NEXMIF: variants seen among roughly 807,000 people sequenced by gnomAD.
The protein encoded by NEXMIF is neurite extension and migration factor.
A neutral mutation model predicts 62.1 loss-of-function variants in NEXMIF; 8 were observed. That is an observed-to-expected ratio of 0.13 (90% CI 0.08 to 0.23). The LOEUF is 0.23. Ranked by LOEUF, NEXMIF falls within the 10% of genes least tolerant of loss-of-function variation. The pLI, the probability that NEXMIF is intolerant of heterozygous loss-of-function variation, is 1.00. For missense variants in NEXMIF, 976 were observed against 1,113.3 expected (o/e 0.88, Z 1.75); for synonymous variants, 404 against 416.6 (o/e 0.97, Z 0.37).
intron 1 of NEXMIF, among the ~76,000 whole-genome samples, chrX:74,904,966 A>AGCCCT (rs1420573512): frequency 1.8e-5 from 2 of 111,423 alleles, no homozygotes; most frequent in Non-Finnish European, 3.8e-5. Flanking sequence ...AACCTTTGCA[A>AGCCCT]ATCAAGTCTA....
At chrX:74,910,315 G>C (rs1338282970) in intron 1 of NEXMIF, among the ~76,000 whole-genome samples, 1 of 112,480 alleles carries the variant, frequency 8.9e-6, no homozygotes, top group East Asian at 2.8e-4. Flanking sequence ...ATGAGATATG[G>C]AGTCAAAGGA....
intron 1 of NEXMIF, among the ~76,000 whole-genome samples, chrX:74,906,520 C>T (rs556883764): frequency 1.3e-4 from 14 of 110,369 alleles, no homozygotes; most frequent in South Asian, 7.9e-4. Context: ...TTATTTTCTC[C>T]GGACAGAAAT....
chrX:74,815,108 GTAAT>G (rs1209917869), intron 1 of NEXMIF, among the ~76,000 whole-genome samples: 1 of 112,427 alleles, frequency 8.9e-6, no homozygotes, highest in Non-Finnish European at 1.9e-5. Context: ...ACATAGGTAT[GTAAT>G]TAAAGTAGTG....
chrX:74,799,080 G>GTCTTGAA (rs2080321322), intron 1 of NEXMIF, among the ~76,000 whole-genome samples: 1 of 110,729 alleles, frequency 9.0e-6, no homozygotes, highest in Admixed American at 9.6e-5. Context: ...GCCTAGGCTG[G>GTCTTGAA]TCTTGAACCC....
intron 1 of NEXMIF, among the ~76,000 whole-genome samples, chrX:74,748,042 A>C (rs2080131116): frequency 8.9e-6 from 1 of 112,276 alleles, no homozygotes; most frequent in Admixed American, 9.5e-5. Flanking sequence ...AATCTGGCCA[A>C]GCACCCAAGA....
At chrX:74,865,276 G>A (rs1311833107) in intron 1 of NEXMIF, among the ~76,000 whole-genome samples, 1 of 111,558 alleles carries the variant, frequency 9.0e-6, no homozygotes, top group African/African-American at 3.3e-5. Flanking sequence ...GGTCTTAGAT[G>A]GAGATGAGGA....
intron 1 of NEXMIF, among the ~76,000 whole-genome samples, chrX:74,788,708 C>T (rs2080268123): frequency 9.0e-6 from 1 of 111,364 alleles, no homozygotes; most frequent in South Asian, 3.8e-4. Flanking sequence ...GAAACCCAAG[C>T]CTAACTTCCT....
intron 1 of NEXMIF, among the ~76,000 whole-genome samples, chrX:74,911,634 C>A (rs1201860088): frequency 8.9e-6 from 1 of 112,181 alleles, no homozygotes; most frequent in Non-Finnish European, 1.9e-5. Context: ...CTCTTTACAG[C>A]CTAACTCTGA....
At chrX:74,831,930 C>T (rs954404110) in intron 1 of NEXMIF, among the ~76,000 whole-genome samples, 9 of 112,298 alleles carry the variant, frequency 8.0e-5, no homozygotes, top group Non-Finnish European at 1.7e-4. Flanking sequence ...TTTGTGTATG[C>T]TGTACCATCC....
At chrX:74,875,423 A>C (rs766725037) in intron 1 of NEXMIF, among the ~76,000 whole-genome samples, 1 of 111,956 alleles carries the variant, frequency 8.9e-6, no homozygotes, top group African/African-American at 3.3e-5. Context: ...TTTTTGCATC[A>C]ATGTTCATCA....
intron 1 of NEXMIF, among the ~76,000 whole-genome samples, chrX:74,835,887 A>ATGT (rs1403695618): frequency 8.9e-6 from 1 of 111,785 alleles, no homozygotes; most frequent in African/African-American, 3.3e-5. Context: ...TGGTCAGGAG[A>ATGT]TGTTGTCTGG....
intron 1 of NEXMIF, among the ~76,000 whole-genome samples, chrX:74,837,006 G>C (rs1401800430): frequency 2.7e-5 from 3 of 111,580 alleles, no homozygotes; most frequent in Non-Finnish European, 5.7e-5. Flanking sequence ...TCTGGCTAGG[G>C]CTGCTGCAAA....
chrX:74,921,936 T>A (rs1018292520), intron 1 of NEXMIF, among the ~76,000 whole-genome samples: 3 of 111,731 alleles, frequency 2.7e-5, no homozygotes, highest in African/African-American at 9.8e-5. Flanking sequence ...TTAGAATCTA[T>A]TTTTCTCCCC....
At chrX:74,889,952 G>GTCTC (rs72364877) in intron 1 of NEXMIF, among the ~76,000 whole-genome samples, 137 of 91,171 alleles carry the variant, frequency 1.5e-3, no homozygotes, top group African/African-American at 3.7e-3. Context: ...AACCTAATCT[G>GTCTC]TCTCTCTCTC....
intron 1 of NEXMIF, among the ~76,000 whole-genome samples, chrX:74,895,505 T>G (rs1276214528): frequency 9.0e-6 from 1 of 111,574 alleles, no homozygotes; most frequent in East Asian, 2.8e-4. Flanking sequence ...GCCAAAACCT[T>G]CCTAAGCAAA....
intron 1 of NEXMIF, among the ~76,000 whole-genome samples, chrX:74,847,263 C>T (rs1002544124): frequency 6.2e-5 from 7 of 112,047 alleles, no homozygotes; most frequent in Non-Finnish European, 1.3e-4. Context: ...AAGTAGGTCC[C>T]TCTAGAACTC....
intron 1 of NEXMIF, among the ~76,000 whole-genome samples, chrX:74,835,918 A>G (rs1189237754): frequency 8.9e-6 from 1 of 112,262 alleles, no homozygotes; most frequent in African/African-American, 3.2e-5. Context: ...TTGGAGTTAA[A>G]AAAACATCAG....
intron 1 of NEXMIF, among the ~76,000 whole-genome samples, chrX:74,831,429 T>A (rs1365149337): frequency 1.0e-5 from 1 of 99,364 alleles, no homozygotes; most frequent in African/African-American, 3.7e-5. Context: ...CACCTATGAG[T>A]GAGAACATGC....
chrX:74,852,614 G>A (rs2147495020), intron 1 of NEXMIF, among the ~76,000 whole-genome samples: 1 of 111,430 alleles, frequency 9.0e-6, no homozygotes, highest in African/African-American at 3.3e-5. Flanking sequence ...AGATCACAAT[G>A]GTCTGAAACT....
Sources: allele counts gnomAD v4.1 joint callset (sites outside exome capture counted in the v4.1 genomes callset), GRCh38; gene constraint gnomAD v4.1.1; transcripts MANE v1.5; gene names NCBI Gene and HGNC (gene_info 2026-07-23, HGNC 2026-07-21).